DCAF8: variants seen among roughly 807,000 people sequenced by gnomAD.
DCAF8 encodes DDB1- and CUL4-associated factor 8.
DCAF8 carries 20 observed loss-of-function variants against 68.0 expected under a neutral mutation model. The ratio of observed to expected loss-of-function variants is 0.29; its 90% CI spans 0.21 to 0.43. The LOEUF (loss-of-function observed/expected upper bound fraction) is 0.43. Among genes scored for constraint, DCAF8 ranks in the 20% least tolerant of loss-of-function variants. DCAF8 has a pLI of 1.00. For synonymous variants in DCAF8, 230 were observed against 276.9 expected (o/e 0.83, Z 1.68); for missense variants, 460 against 771.0 (o/e 0.60, Z 4.78).
At chr1:160,244,283 A>G (rs2101749228) in intron 2 of DCAF8, among the ~76,000 whole-genome samples, 1 of 152,306 alleles carries the variant, frequency 6.6e-6, no homozygotes, top group African/African-American at 2.4e-5. Flanking sequence ...TCACTCACTG[A>G]GTAACTGGCA....
In DCAF8 at chr1:160,215,793, AC is replaced by A. The variant is rs1316165807; in HGVS notation, c.*1798del. 1.3e-5 allele frequency: 2 copies of A among 152,188 alleles called. No homozygotes were observed. Among genetic ancestry groups the A allele is most frequent in the African/African-American group, 4.8e-5 (2 of 41,412 alleles). 9.4% of individuals were successfully genotyped at this position (152,188 alleles called of 1,614,324 possible). Reference sequence around the variant, plus strand: ...TGCATGGTTTTTAGCCCACCCTATCACCCCACCAGCAATAGGAACACAGACC... The same window carrying A: ...TGCATGGTTTTTAGCCCACCCTATCACCCACCAGCAATAGGAACACAGACC... On this transcript the variant is annotated 3_prime_UTR_variant, in exon 14 of 14. Coordinates refer to ENST00000368074, the MANE Select transcript of DCAF8 (RefSeq NM_015726.4).
At chr1:160,260,691 G>A (rs1209219398) in intron 2 of DCAF8, among the ~76,000 whole-genome samples, 6 of 151,188 alleles carry the variant, frequency 4.0e-5, no homozygotes, top group Non-Finnish European at 8.8e-5. Context: ...CTTCAGACCA[G>A]CTACAAAAGA....
At chr1:160,225,294 G>A (rs1655432564) in intron 8 of DCAF8, among the ~76,000 whole-genome samples, 175 bp from the exon 9 acceptor site, 1 of 152,120 alleles carries the variant, frequency 6.6e-6, no homozygotes, top group Admixed American at 6.5e-5. Flanking sequence ...TAGCATCTTG[G>A]GGCTTTCTTT....
rs117342925 is a variant in DCAF8, at chr1:160,246,412, G to A, written c.-26-2378C>T. Among the ~76,000 whole-genome samples, 66 of 152,282 alleles carry A rather than the reference G, an allele frequency of 4.3e-4. No individual in the cohort carries two copies. The East Asian group carries it at 0.013, about 29-fold the overall frequency. On this transcript the variant is annotated intron_variant, in intron 2 of 13. Coordinates refer to ENST00000368074, the MANE Select transcript of DCAF8 (RefSeq NM_015726.4). ...TGTGCACAGATGATAAAAGTAAGTA[G>A]AATTAAATGTCAAAATTTCTGCAGA...
chr1:160,245,384 A>G (rs1486501920), intron 2 of DCAF8, among the ~76,000 whole-genome samples: 1 of 152,218 alleles, frequency 6.6e-6, no homozygotes, highest in East Asian at 1.9e-4. Flanking sequence ...ACCCAGGCAC[A>G]CTGGCCTCTA....
intron 7 of DCAF8, among the ~76,000 whole-genome samples, chr1:160,227,654 T>C (rs1383089762): frequency 1.3e-5 from 2 of 152,362 alleles, no homozygotes; most frequent in East Asian, 3.9e-4. Context: ...TGTTTTAAGC[T>C]GGTAAACTGG....
chr1:160,257,438 AATCT>A (rs1259500724), intron 2 of DCAF8, among the ~76,000 whole-genome samples: 2 of 152,200 alleles, frequency 1.3e-5, no homozygotes, highest in African/African-American at 2.4e-5. Context: ...TGGAGTAATG[AATCT>A]ATCTACTGAA....
intron 7 of DCAF8, among the ~76,000 whole-genome samples, chr1:160,229,477 TCATATGAATA>T (rs748896523): frequency 8.8e-4 from 134 of 152,314 alleles, no homozygotes; most frequent in Non-Finnish European, 1.1e-3. Flanking sequence ...GATATACATA[TCATATGAATA>T]CATATGAATA....
At chr1:160,229,318 C>G (rs367592007) in intron 7 of DCAF8, among the ~76,000 whole-genome samples, 1 of 151,920 alleles carries the variant, frequency 6.6e-6, no homozygotes, top group Non-Finnish European at 1.5e-5. Flanking sequence ...AAAATCTTCA[C>G]ATAACTTCTG....
intron 5 of DCAF8, among the ~76,000 whole-genome samples, chr1:160,237,817 G>A (rs1050041239): frequency 3.3e-5 from 5 of 152,108 alleles, no homozygotes; most frequent in Admixed American, 2.6e-4. Context: ...TGGGATTACA[G>A]GCATAAGCCA....
chr1:160,239,025 C>A, intron 4 of DCAF8: 1 of 470,730 alleles, frequency 2.1e-6, no homozygotes, highest in Non-Finnish European at 3.1e-6. Context: ...AGGACTGTAT[C>A]TAGCAGAGGA....
chr1:160,226,380 T>C (rs1312816559), intron 7 of DCAF8, among the ~76,000 whole-genome samples: 1 of 152,168 alleles, frequency 6.6e-6, no homozygotes, highest in African/African-American at 2.4e-5. Flanking sequence ...CCTTTCCTCA[T>C]TCTTATCAAG....
chr1:160,230,236 G>A (rs1318484391), intron 7 of DCAF8, among the ~76,000 whole-genome samples: 1 of 152,114 alleles, frequency 6.6e-6, no homozygotes, highest in Non-Finnish European at 1.5e-5. Flanking sequence ...TATAAAATGT[G>A]CTCTCATTTC....
intron 3 of DCAF8, among the ~76,000 whole-genome samples, chr1:160,242,115 T>A (rs1045658857): frequency 6.6e-6 from 1 of 151,976 alleles, no homozygotes; most frequent in Non-Finnish European, 1.5e-5. Flanking sequence ...CGTGGTGGCA[T>A]GTGCCTGTAA....
At chr1:160,246,620 T>C (rs1656350754) in intron 2 of DCAF8, among the ~76,000 whole-genome samples, 1 of 152,034 alleles carries the variant, frequency 6.6e-6, no homozygotes, top group Non-Finnish European at 1.5e-5. Flanking sequence ...TGTGAGACCC[T>C]TGTCTCTATA....
intron 13 of DCAF8, chr1:160,218,036 G>C: frequency 8.0e-6 from 4 of 498,002 alleles, no homozygotes; most frequent in Non-Finnish European, 3.6e-6. Context: ...AAAAATAGAA[G>C]GGTCACACTG....
chr1:160,217,509 G>A lies in DCAF8; in HGVS notation c.*83C>T. On this transcript the variant is annotated 3_prime_UTR_variant, in exon 14 of 14. Coordinates refer to ENST00000368074, the MANE Select transcript of DCAF8 (RefSeq NM_015726.4). ...AAAAAGTCCAAAGTGCGTTTCTGCT[G>A]AATGTAGGGCCTGGGACAGGAAAGG... 1 of 1,010,746 alleles carries A rather than the reference G, an allele frequency of 9.9e-7. No individual in the cohort carries two copies. The highest frequency in any genetic ancestry group is 1.5e-6 in the Non-Finnish European group (1 of 675,394). The allele number at this position is 1,010,746 out of a possible 1,614,324, so 62.6% of individuals were successfully genotyped here.
intron 2 of DCAF8, among the ~76,000 whole-genome samples, chr1:160,248,072 A>G (rs1405262183): frequency 2.6e-5 from 4 of 151,842 alleles, no homozygotes; most frequent in Non-Finnish European, 5.9e-5. Context: ...TTGGGAGGCC[A>G]AGGCGGGTGG....
At chr1:160,224,952 T>C in intron 9 of DCAF8, 110 bp downstream of exon 9, 1 of 1,038,270 alleles carries the variant, frequency 9.6e-7, no homozygotes, top group Non-Finnish European at 1.5e-6. Context: ...GCTGCTCTAC[T>C]TGGAGCTATA....
Sources: allele counts gnomAD v4.1 joint callset (sites outside exome capture counted in the v4.1 genomes callset), GRCh38; gene constraint gnomAD v4.1.1; transcripts MANE v1.5; gene names NCBI Gene and HGNC (gene_info 2026-07-23, HGNC 2026-07-21).